Variants in TAFA1 observed in about 807,000 individuals in gnomAD.
TAFA1 encodes chemokine-like protein TAFA-1.
Under a neutral mutation model 18.5 loss-of-function variants are expected in TAFA1, and 4 were observed. The ratio of observed to expected loss-of-function variants is 0.22; its 90% CI spans 0.11 to 0.49. The LOEUF (loss-of-function observed/expected upper bound fraction) is 0.49, where lower values mean the gene tolerates loss of function less well. Ranked by LOEUF, TAFA1 falls within the 20% of genes least tolerant of loss-of-function variation. TAFA1 has a pLI of 0.98. For missense variants in TAFA1, 147 were observed against 169.0 expected (o/e 0.87, Z 0.72); for synonymous variants, 56 against 55.2 (o/e 1.01, Z -0.06).
At chr3:68,260,254 A>T (rs915116308) in intron 2 of TAFA1, among the ~76,000 whole-genome samples, 2 of 152,142 alleles carry the variant, frequency 1.3e-5, no homozygotes, top group Non-Finnish European at 2.9e-5. Flanking sequence ...TGATTTGTGT[A>T]TGTTGAACCA....
chr3:68,292,048 C>T (rs769473611), intron 2 of TAFA1, among the ~76,000 whole-genome samples: 4 of 152,070 alleles, frequency 2.6e-5, no homozygotes, highest in African/African-American at 7.2e-5. Context: ...TCACTCATGT[C>T]GTTTACTCTC....
chr3:68,198,224 C>T (rs554865198), intron 2 of TAFA1, among the ~76,000 whole-genome samples: 14 of 151,640 alleles, frequency 9.2e-5, no homozygotes, highest in African/African-American at 3.1e-4. Flanking sequence ...CTTTTTAGCA[C>T]GTAATAATAT....
intron 2 of TAFA1, among the ~76,000 whole-genome samples, chr3:68,280,007 A>G (rs894309018): frequency 1.3e-5 from 2 of 152,164 alleles, no homozygotes; most frequent in Non-Finnish European, 2.9e-5. Flanking sequence ...CAAAATTCGC[A>G]AATTCTTGTA....
At chr3:68,349,670 T>C (rs112319842) in intron 2 of TAFA1, among the ~76,000 whole-genome samples, 2,107 of 152,228 alleles carry the variant, frequency 0.014, 50 homozygotes, top group African/African-American at 0.048. Context: ...CACTTAACTC[T>C]GCCATCGTGG....
chr3:68,342,654 G>A (rs147690894), intron 2 of TAFA1, among the ~76,000 whole-genome samples: 217 of 152,316 alleles, frequency 1.4e-3, no homozygotes, highest in African/African-American at 4.8e-3. Context: ...AAAATTCCCA[G>A]AGTGCCTCTC....
At chr3:68,175,723 G>A (rs374176686) in intron 2 of TAFA1, among the ~76,000 whole-genome samples, 24 of 152,262 alleles carry the variant, frequency 1.6e-4, no homozygotes, top group South Asian at 4.1e-4. Flanking sequence ...ACTTTGGACC[G>A]TGGGCTTTTG....
intron 2 of TAFA1, among the ~76,000 whole-genome samples, chr3:68,335,512 A>C (rs2106740328): frequency 6.6e-6 from 1 of 152,314 alleles, no homozygotes; most frequent in Non-Finnish European, 1.5e-5. Flanking sequence ...AGTTGGATTA[A>C]AATGGGTTTC....
At chr3:68,088,950 G>C (rs918429073) in intron 2 of TAFA1, among the ~76,000 whole-genome samples, 1 of 152,058 alleles carries the variant, frequency 6.6e-6, no homozygotes, top group African/African-American at 2.4e-5. Flanking sequence ...TAGGGGGAGA[G>C]GGAAGGAGAT....
chr3:68,325,666 A>T (rs960863627), intron 2 of TAFA1, among the ~76,000 whole-genome samples: 7 of 152,146 alleles, frequency 4.6e-5, no homozygotes, highest in Admixed American at 1.3e-4. Context: ...CAAACTAGAA[A>T]ATTCCCCTCT....
chr3:68,492,218 C>T (rs1510360), intron 3 of TAFA1, among the ~76,000 whole-genome samples: 30,112 of 152,052 alleles, frequency 0.2, 3,820 homozygotes, highest in East Asian at 0.46. Context: ...GGATTAAAAA[C>T]GCTGTAGAAA....
At chr3:68,036,157 AC>A (rs1705042393) in intron 2 of TAFA1, among the ~76,000 whole-genome samples, 1 of 152,270 alleles carries the variant, frequency 6.6e-6, no homozygotes, top group Non-Finnish European at 1.5e-5. Context: ...AAGGAATTTT[AC>A]AGCCAGGCAC....
intron 1 of TAFA1, 128 bp downstream of exon 1, chr3:68,004,830 C>T (rs1280919169): frequency 1.3e-5 from 2 of 152,004 alleles, no homozygotes; most frequent in East Asian, 3.9e-4. Context: ...GAGACAACCC[C>T]TTGGTAAAGG....
intron 2 of TAFA1, among the ~76,000 whole-genome samples, chr3:68,397,702 T>C (rs952037484): frequency 4.6e-5 from 7 of 152,138 alleles, no homozygotes; most frequent in Admixed American, 2.0e-4. Flanking sequence ...CTGGGTGAAA[T>C]GGTATTTCTT....
intron 3 of TAFA1, among the ~76,000 whole-genome samples, chr3:68,510,940 C>G (rs1367083141): frequency 6.6e-6 from 1 of 152,174 alleles, no homozygotes; most frequent in African/African-American, 2.4e-5. Context: ...CTGATATAAA[C>G]CAGCTCATTA....
chr3:68,002,374 C>T (rs1165277039), upstream of TAFA1, among the ~76,000 whole-genome samples: 1 of 152,046 alleles, frequency 6.6e-6, no homozygotes. Context: ...ATTAGGTGGT[C>T]GATTAAATTG....
intron 2 of TAFA1, among the ~76,000 whole-genome samples, chr3:68,083,506 A>C (rs2064930973): frequency 1.3e-5 from 2 of 152,248 alleles, no homozygotes; most frequent in African/African-American, 4.8e-5. Flanking sequence ...GGTTTAATTT[A>C]GCTCATTTAG....
chr3:68,209,239 G>A (rs1277197732), intron 2 of TAFA1, among the ~76,000 whole-genome samples: 1 of 151,994 alleles, frequency 6.6e-6, no homozygotes, highest in African/African-American at 2.4e-5. Context: ...AGAGGACCCA[G>A]CTAAAACATG....
intron 2 of TAFA1, among the ~76,000 whole-genome samples, chr3:68,248,191 A>G (rs970873043): frequency 6.6e-6 from 1 of 152,194 alleles, no homozygotes; most frequent in African/African-American, 2.4e-5. Context: ...TTCAAACACT[A>G]AAAATATTCA....
intron 2 of TAFA1, among the ~76,000 whole-genome samples, chr3:68,228,846 C>A (rs1010463422): frequency 1.3e-5 from 2 of 152,202 alleles, no homozygotes; most frequent in East Asian, 3.9e-4. Flanking sequence ...CCTTCCTCCA[C>A]CTATATTGAG....
Sources: allele counts gnomAD v4.1 joint callset (sites outside exome capture counted in the v4.1 genomes callset), GRCh38; gene constraint gnomAD v4.1.1; transcripts MANE v1.5; gene names NCBI Gene and HGNC (gene_info 2026-07-23, HGNC 2026-07-21).